Variants in IMMP1L observed in about 807,000 individuals in gnomAD.
The protein encoded by IMMP1L is inner mitochondrial membrane peptidase subunit 1.
IMMP1L carries 24 observed loss-of-function variants against 21.8 expected under a neutral mutation model. The ratio of observed to expected loss-of-function variants is 1.10; its 90% CI spans 0.80 to 1.55. IMMP1L has a LOEUF of 1.55. Among genes scored for constraint, IMMP1L ranks in the 40% most tolerant of loss-of-function variants. IMMP1L has a pLI of 0.00. For synonymous variants in IMMP1L, 46 were observed against 62.8 expected, an observed-to-expected ratio of 0.73 and a Z score of 1.26; for missense variants, 195 against 200.7, an observed-to-expected ratio of 0.97 and a Z score of 0.17.
intron 1 of IMMP1L, among the ~76,000 whole-genome samples, chr11:31,493,743 G>A (rs1309689666): frequency 6.6e-6 from 1 of 152,142 alleles, no homozygotes; most frequent in Non-Finnish European, 1.5e-5. Flanking sequence ...ACAAGCGTTG[G>A]GTAACTACAC....
intron 1 of IMMP1L, among the ~76,000 whole-genome samples, chr11:31,480,767 C>G (rs946383508): frequency 6.6e-6 from 1 of 151,946 alleles, no homozygotes; most frequent in Admixed American, 6.6e-5. Context: ...TACACACACA[C>G]AAAAGCAAAA....
intron 1 of IMMP1L, among the ~76,000 whole-genome samples, chr11:31,465,789 C>T (rs1954317990): frequency 6.6e-6 from 1 of 151,968 alleles, no homozygotes; most frequent in South Asian, 2.1e-4. Context: ...ATATAAAAAT[C>T]AACTTAAAAT....
intron 4 of IMMP1L, among the ~76,000 whole-genome samples, chr11:31,451,583 G>A (rs1162133783): frequency 6.6e-6 from 1 of 152,164 alleles, no homozygotes; most frequent in Non-Finnish European, 1.5e-5. Flanking sequence ...GATGGGAAGT[G>A]TATGGAAGGA....
At chr11:31,435,519 A>G (rs1953089015) in intron 4 of IMMP1L, among the ~76,000 whole-genome samples, 1 of 152,214 alleles carries the variant, frequency 6.6e-6, no homozygotes, top group African/African-American at 2.4e-5. Flanking sequence ...AAATACATTT[A>G]ATGGCAAAAA....
intron 1 of IMMP1L, among the ~76,000 whole-genome samples, chr11:31,472,584 T>A (rs1445970948): frequency 6.6e-6 from 1 of 152,234 alleles, no homozygotes; most frequent in African/African-American, 2.4e-5. Flanking sequence ...TGTTACTTTT[T>A]TTATTCCCTA....
chr11:31,490,486 C>G (rs1475348866), intron 1 of IMMP1L, among the ~76,000 whole-genome samples: 1 of 149,206 alleles, frequency 6.7e-6, no homozygotes, highest in South Asian at 2.1e-4. Context: ...AAAAAAAAAG[C>G]AGTTCATTAA....
intron 3 of IMMP1L, among the ~76,000 whole-genome samples, chr11:31,457,565 T>A (rs1324966927): frequency 6.6e-6 from 1 of 152,138 alleles, no homozygotes; most frequent in Non-Finnish European, 1.5e-5. Flanking sequence ...TATGAAGAAA[T>A]CAGAAACCTA....
chr11:31,488,532 G>A (rs1008135306), intron 1 of IMMP1L, among the ~76,000 whole-genome samples: 2 of 152,160 alleles, frequency 1.3e-5, no homozygotes, highest in Non-Finnish European at 2.9e-5. Context: ...AGAGTTAAAT[G>A]AGTTGACAGG....
intron 4 of IMMP1L, among the ~76,000 whole-genome samples, chr11:31,454,891 A>C (rs550167682): frequency 5.3e-5 from 8 of 152,208 alleles, no homozygotes; most frequent in Non-Finnish European, 4.4e-5. Flanking sequence ...ATGATGCTAA[A>C]GTAATTTAGA....
At chr11:31,456,195 G>C (rs1953929980) in intron 4 of IMMP1L, 65 bp downstream of exon 4, 13 of 1,131,998 alleles carry the variant, frequency 1.1e-5, no homozygotes, top group Non-Finnish European at 1.6e-5. Context: ...ATTTTCTTTT[G>C]TCAGCACTCA....
intron 1 of IMMP1L, among the ~76,000 whole-genome samples, chr11:31,468,650 G>C (rs1249016494): frequency 6.6e-6 from 1 of 152,124 alleles, no homozygotes; most frequent in Non-Finnish European, 1.5e-5. Flanking sequence ...ATACAATAGT[G>C]AACATGATGC....
intron 1 of IMMP1L, among the ~76,000 whole-genome samples, chr11:31,492,826 T>C (rs1377879863): frequency 1.3e-5 from 2 of 152,174 alleles, no homozygotes; most frequent in Non-Finnish European, 2.9e-5. Flanking sequence ...CATTCTTACA[T>C]GGGCACGGTT....
At chr11:31,499,906 A>T (rs988115667) in intron 1 of IMMP1L, among the ~76,000 whole-genome samples, 1 of 151,558 alleles carries the variant, frequency 6.6e-6, no homozygotes, top group African/African-American at 2.4e-5. Context: ...AGGGGTTCTG[A>T]GCTAAAATCA....
intron 4 of IMMP1L, 82 bp from the exon 5 acceptor site, chr11:31,433,652 T>C (rs1939075138): frequency 3.9e-6 from 3 of 772,584 alleles, no homozygotes; most frequent in Non-Finnish European, 6.4e-6. Context: ...CATTCAGAGG[T>C]AGGGAGAAAT....
chr11:31,502,614 C>T (rs987383983), intron 1 of IMMP1L, among the ~76,000 whole-genome samples: 6 of 152,134 alleles, frequency 3.9e-5, no homozygotes, highest in African/African-American at 1.4e-4. Flanking sequence ...TTATTCAAAC[C>T]GAAGGGAAAT....
intron 1 of IMMP1L, among the ~76,000 whole-genome samples, chr11:31,478,798 T>C (rs1007810080): frequency 1.3e-5 from 2 of 152,186 alleles, no homozygotes; most frequent in African/African-American, 2.4e-5. Flanking sequence ...GTATTTTATA[T>C]AAATTTCCTT....
intron 4 of IMMP1L, among the ~76,000 whole-genome samples, chr11:31,434,535 G>A (rs1378281389): frequency 1.3e-5 from 2 of 151,888 alleles, no homozygotes; most frequent in Non-Finnish European, 2.9e-5. Context: ...TCTTTTGACT[G>A]GTTTTACTTG....
In IMMP1L at chr11:31,504,495, C is replaced by T. The variant is rs143239506; in HGVS notation, c.-30+5024G>A. Among the ~76,000 whole-genome samples the T allele has an allele frequency of 3.0e-3, 450 of 152,194 alleles. 2 individuals are homozygous for T. The highest frequency in any genetic ancestry group is 1.0e-2 in the African/African-American group (414 of 41,512). ...TTCAAATCCAAATGACAATGCCATA[C>T]CACAACCCTCTGAGAATAGCTGAAA... On this transcript the variant is annotated intron_variant, in intron 1 of 5. Coordinates refer to ENST00000532287, the MANE Select transcript of IMMP1L (RefSeq NM_001304274.2).
At chr11:31,495,399 C>T (rs1955398828) in intron 1 of IMMP1L, among the ~76,000 whole-genome samples, 1 of 152,112 alleles carries the variant, frequency 6.6e-6, no homozygotes, top group Non-Finnish European at 1.5e-5. Flanking sequence ...ATAGCAGTGC[C>T]CCTCTCCCTC....
Sources: gnomAD v4.1 joint callset for allele counts (sites outside exome capture counted in the v4.1 genomes callset) on GRCh38, gnomAD v4.1.1 for gene constraint, MANE v1.5 for transcripts, NCBI Gene and HGNC (gene_info 2026-07-23, HGNC 2026-07-21) for gene names.